The following EVC2 variants were observed in gnomAD, a reference collection of about 807,000 sequenced individuals.
The protein encoded by EVC2 is limbin.
Under a neutral mutation model 149.3 loss-of-function variants are expected in EVC2, and 148 were observed. That is an observed-to-expected ratio of 0.99 (90% CI 0.87 to 1.14). The LOEUF (loss-of-function observed/expected upper bound fraction) is 1.14, where lower values mean the gene tolerates loss of function less well. Ranked by LOEUF, EVC2 falls within the 50% of genes most tolerant of loss-of-function variation. The pLI, the probability that EVC2 is intolerant of heterozygous loss-of-function variation, is 0.00. For missense variants in EVC2, 1,854 were observed against 1,627.3 expected, an observed-to-expected ratio of 1.14 and a Z score of -2.40; for synonymous variants, 776 against 649.9, an observed-to-expected ratio of 1.19 and a Z score of -2.95.
intron 9 of EVC2, among the ~76,000 whole-genome samples, chr4:5,650,747 T>C (rs530801733): frequency 6.6e-6 from 1 of 150,646 alleles, no homozygotes. Flanking sequence ...AACTGAGGCA[T>C]AGAAAAATTA....
intron 13 of EVC2, among the ~76,000 whole-genome samples, chr4:5,623,379 G>A (rs969970213): frequency 6.0e-5 from 9 of 150,968 alleles, no homozygotes; most frequent in South Asian, 4.2e-4. Flanking sequence ...TCCTTCTGTC[G>A]CCCAGGCTGG....
At chr4:5,594,787 A>C (rs946188881) in intron 16 of EVC2, among the ~76,000 whole-genome samples, 2 of 152,170 alleles carry the variant, frequency 1.3e-5, no homozygotes, top group Non-Finnish European at 2.9e-5. Context: ...ACGGGAGGAA[A>C]TTCAAACTGA....
At position 5,619,283 on chromosome 4, in the gene EVC2, A is replaced by T. The variant is rs534137941; in HGVS notation, c.2502-601T>A. ...ATGTTGGTTTATTTGGAAATAGGGT[A>T]TTTACAAATGTAATTAAGAAGTGAG... On this transcript the variant is annotated intron_variant, in intron 14 of 21. Coordinates refer to ENST00000344408, the MANE Select transcript of EVC2 (RefSeq NM_147127.5). Among the ~76,000 whole-genome samples the T allele has an allele frequency of 5.3e-5, 8 of 152,302 alleles. 2 individuals are homozygous for T. The highest frequency in any genetic ancestry group is 1.9e-4 in the African/African-American group (8 of 41,564).
chr4:5,656,444 T>A (rs1443753493), intron 9 of EVC2, among the ~76,000 whole-genome samples: 1 of 152,180 alleles, frequency 6.6e-6, no homozygotes, highest in African/African-American at 2.4e-5. Context: ...AACCTGGAAA[T>A]GTGACCTTCG....
At chr4:5,594,332 C>A (rs1477993186) in intron 16 of EVC2, among the ~76,000 whole-genome samples, 1 of 152,170 alleles carries the variant, frequency 6.6e-6, no homozygotes, top group African/African-American at 2.4e-5. Flanking sequence ...CCAGTAGGGG[C>A]AGACTGACAC....
intron 19 of EVC2, 151 bp downstream of exon 19, chr4:5,574,534 C>T: frequency 1.3e-6 from 1 of 757,124 alleles, no homozygotes; most frequent in Non-Finnish European, 2.3e-6. Flanking sequence ...GTGTGCTGGG[C>T]CCATGCTAGA....
intron 1 of EVC2, among the ~76,000 whole-genome samples, chr4:5,701,500 A>G (rs1486586297): frequency 6.6e-6 from 1 of 152,106 alleles, no homozygotes; most frequent in Non-Finnish European, 1.5e-5. Context: ...TCCCTTTTAC[A>G]GAGGCCACAC....
intron 1 of EVC2, among the ~76,000 whole-genome samples, chr4:5,698,955 G>C (rs1206385026): frequency 6.6e-6 from 1 of 152,222 alleles, no homozygotes; most frequent in Non-Finnish European, 1.5e-5. Flanking sequence ...GAAACCATAA[G>C]GTGGGACAGG....
At chr4:5,647,451 T>G (rs1415322225) in intron 9 of EVC2, among the ~76,000 whole-genome samples, 3 of 152,242 alleles carry the variant, frequency 2.0e-5, no homozygotes, top group Admixed American at 6.5e-5. Context: ...AGCCTAGTTT[T>G]AAACAACAGC....
chr4:5,702,622 G>A (rs1721897093), intron 1 of EVC2, among the ~76,000 whole-genome samples: 1 of 152,246 alleles, frequency 6.6e-6, no homozygotes, highest in Non-Finnish European at 1.5e-5. Flanking sequence ...AAATGTTTAA[G>A]TTTAGCCATA....
At position 5,654,203 on chromosome 4, in the gene EVC2, G is replaced by T. The variant is rs180848301; in HGVS notation, c.1145+8904C>A. Among the ~76,000 whole-genome samples the T allele has an allele frequency of 2.2e-3, 329 of 152,084 alleles. 3 individuals are homozygous for T. The highest frequency in any genetic ancestry group is 7.6e-3 in the African/African-American group (316 of 41,484). ...CACTCCAGGCTGAGTGACAGAGTGA[G>T]ACTCCGTCTCAAAAAAAAAAGAGGT... On this transcript the variant is annotated intron_variant, in intron 9 of 21. Coordinates refer to ENST00000344408, the MANE Select transcript of EVC2 (RefSeq NM_147127.5).
At chr4:5,685,296 C>G in intron 6 of EVC2, 74 bp downstream of exon 6, 1 of 1,402,044 alleles carries the variant, frequency 7.1e-7, no homozygotes, top group Non-Finnish European at 1.0e-6. Flanking sequence ...GGTCTTCTGT[C>G]TGAAGTGTCC....
chr4:5,612,920 TCC>T (rs1714955074), intron 16 of EVC2, among the ~76,000 whole-genome samples: 1 of 57,036 alleles, frequency 1.8e-5, no homozygotes, highest in Admixed American at 3.0e-4. Context: ...AGACTCTGTC[TCC>T]AAAAAAAAAA....
chr4:5,640,472 A>G lies in EVC2; in HGVS notation c.1470+42T>C, dbSNP rs1717240234. ...TAGATGGATAAATGACAAATCCCTG[A>G]GAGAAAGGGAAGTGAACGCCTTCCT... On this transcript the variant is annotated intron_variant, in intron 10 of 21. Coordinates refer to ENST00000344408, the MANE Select transcript of EVC2 (RefSeq NM_147127.5). This position sits in a 1 kb window ranked among gnomAD's most constrained non-coding sequence, Gnocchi z 4.6. The G allele has an allele frequency of 8.1e-6, 13 of 1,608,168 alleles. No individual in the cohort carries two copies. Among genetic ancestry groups the G allele is most frequent in the Non-Finnish European group, 1.0e-5 (12 of 1,174,738 alleles).
At chr4:5,615,673 C>G in intron 15 of EVC2, 129 bp from the exon 16 acceptor site, 1 of 1,331,824 alleles carries the variant, frequency 7.5e-7, no homozygotes, top group Middle Eastern at 2.0e-4. Context: ...TGCCTTAGGC[C>G]AGAGAGGGGA....
chr4:5,593,733 C>G (rs1713070484), intron 16 of EVC2, among the ~76,000 whole-genome samples: 1 of 152,160 alleles, frequency 6.6e-6, no homozygotes, highest in African/African-American at 2.4e-5. Flanking sequence ...ACAGTGGGTA[C>G]AGTGCACCGT....
chr4:5,660,745 C>T (rs769491026), intron 9 of EVC2, among the ~76,000 whole-genome samples: 25 of 152,176 alleles, frequency 1.6e-4, no homozygotes, highest in African/African-American at 2.9e-4. Context: ...CTCTAGGTTA[C>T]GGGTTCCCCA....
At chr4:5,692,560 C>G (rs899980346) in intron 3 of EVC2, among the ~76,000 whole-genome samples, 1 of 152,286 alleles carries the variant, frequency 6.6e-6, no homozygotes, top group South Asian at 2.1e-4. Context: ...GTGTAACCCT[C>G]TCATTGTGTA....
chr4:5,632,046 A>G lies in EVC2; in HGVS notation c.1471-14T>C. On this transcript the variant is annotated splice_polypyrimidine_tract_variant and intron_variant, in intron 10 of 21. Coordinates refer to ENST00000344408, the MANE Select transcript of EVC2 (RefSeq NM_147127.5). ...CTCTACAGCAGACTGGAGAGAGGAA[A>G]GGGAGAGCGTGAGAAACTGACACAC... 6.2e-7 allele frequency: 1 copy of G among 1,613,604 alleles called. No individual in the cohort carries two copies. The highest frequency in any genetic ancestry group is 1.1e-5 in the South Asian group (1 of 91,062).
Sources: gnomAD v4.1 joint callset for allele counts (sites outside exome capture counted in the v4.1 genomes callset) on GRCh38, gnomAD v4.1.1 for gene constraint, Gnocchi (gnomAD v3.1) non-coding constraint, MANE v1.5 for transcripts, NCBI Gene and HGNC (gene_info 2026-07-23, HGNC 2026-07-21) for gene names.